The following NEGR1 variants were observed in gnomAD, a reference collection of about 807,000 sequenced individuals.
NEGR1 encodes neuronal growth regulator 1.
A neutral mutation model predicts 40.9 loss-of-function variants in NEGR1; 10 were observed. The observed-to-expected ratio is 0.24, with a 90% CI of 0.15 to 0.42. The LOEUF (loss-of-function observed/expected upper bound fraction) is 0.42. Among genes scored for constraint, NEGR1 ranks in the 10% least tolerant of loss-of-function variants. The probability of loss-of-function intolerance (pLI) is 1.00; values close to 1 mark genes in which losing one functional copy is unlikely to be tolerated. For synonymous variants in NEGR1, 185 were observed against 166.8 expected (o/e 1.11, Z -0.84); for missense variants, 352 against 438.9 (o/e 0.80, Z 1.77).
chr1:71,711,236 G>A (rs1654073100), intron 3 of NEGR1, among the ~76,000 whole-genome samples: 1 of 150,048 alleles, frequency 6.7e-6, no homozygotes, highest in Non-Finnish European at 1.5e-5. Context: ...TCCCAGCTAC[G>A]CGGGAGGCTG....
rs1246524438 is a variant in NEGR1 at position 71,780,521 on chromosome 1, TAGAG to T, written c.410-4228_410-4225del. On this transcript the variant is annotated intron_variant, in intron 2 of 6. Coordinates refer to ENST00000357731, the MANE Select transcript of NEGR1 (RefSeq NM_173808.3). ...TAATTAATTGTTGTGTATTACCAGT[TAGAG>T]AGATCTAAGAACACTGGAAGCTTTC... is the stretch of plus-strand genomic sequence containing the variant. Among the ~76,000 whole-genome samples the T allele has an allele frequency of 7.2e-5, 11 of 152,298 alleles. No individual in the cohort carries two copies. In the East Asian group the frequency reaches 2.1e-3, roughly 29 times the overall value.
At chr1:71,791,826 A>G (rs1359923765) in intron 2 of NEGR1, among the ~76,000 whole-genome samples, 2 of 152,118 alleles carry the variant, frequency 1.3e-5, no homozygotes, top group African/African-American at 4.8e-5. Context: ...GGGCAGGTGG[A>G]GAGGAGAATC....
intron 1 of NEGR1, among the ~76,000 whole-genome samples, chr1:71,985,253 AT>A (rs1646384784): frequency 6.6e-6 from 1 of 152,188 alleles, no homozygotes; most frequent in African/African-American, 2.4e-5. Flanking sequence ...GAAGTGTCTC[AT>A]ATGTTAAAAT....
rs550978760 is a variant in NEGR1, at chr1:72,182,896, C to G, written c.176+99423G>C. 3.9e-5 allele frequency among the ~76,000 whole-genome samples: 6 copies of G among 151,926 alleles called. No individual in the cohort carries two copies. The East Asian group carries it at 1.2e-3, about 29-fold the overall frequency. On this transcript the variant is annotated intron_variant, in intron 1 of 6. Transcript: ENST00000357731. ...GCTTTTTAGCAAGTTCTATTTGTGA[C>G]ACTTCATATTTTCCTTAAAATGAAA...
intron 6 of NEGR1, among the ~76,000 whole-genome samples, chr1:71,522,104 C>T (rs574594515): frequency 2.8e-4 from 43 of 151,926 alleles, no homozygotes; most frequent in Admixed American, 7.2e-4. Flanking sequence ...ACACACATGT[C>T]CTTGGTTCTA....
At chr1:71,864,151 G>A (rs968509352) in intron 2 of NEGR1, among the ~76,000 whole-genome samples, 17 of 152,122 alleles carry the variant, frequency 1.1e-4, no homozygotes, top group African/African-American at 3.9e-4. Context: ...TCAGGGGGCC[G>A]TCTTAGGGAG....
intron 1 of NEGR1, among the ~76,000 whole-genome samples, chr1:71,967,090 G>A (rs915933001): frequency 1.3e-5 from 2 of 152,044 alleles, no homozygotes; most frequent in East Asian, 3.8e-4. Context: ...CTCTGAGTGG[G>A]TTTGAGGCTA....
At chr1:71,503,859 A>T (rs983838390) in intron 6 of NEGR1, among the ~76,000 whole-genome samples, 1 of 151,794 alleles carries the variant, frequency 6.6e-6, no homozygotes, top group African/African-American at 2.4e-5. Context: ...GGCCATAACC[A>T]TCTGGGAAAG....
intron 1 of NEGR1, among the ~76,000 whole-genome samples, chr1:72,279,482 G>T (rs1470431077): frequency 6.6e-6 from 1 of 152,088 alleles, no homozygotes; most frequent in South Asian, 2.1e-4. Context: ...ATTAAAAATA[G>T]AATATATTGG....
chr1:71,530,564 G>A (rs1647319985), intron 6 of NEGR1, among the ~76,000 whole-genome samples: 1 of 151,084 alleles, frequency 6.6e-6, no homozygotes, highest in African/African-American at 2.4e-5. Context: ...AGCTGCACTT[G>A]TTTTTTATCT....
chr1:71,445,309 T>TAAAA (rs749842511), intron 6 of NEGR1, among the ~76,000 whole-genome samples: 4 of 150,274 alleles, frequency 2.7e-5, no homozygotes, highest in African/African-American at 9.8e-5. Context: ...CTTTTTTTTT[T>TAAAA]AAAAAAAAAA....
chr1:71,870,574 G>A lies in NEGR1; in HGVS notation c.409+64505C>T, dbSNP rs190532335. On this transcript the variant is annotated intron_variant, in intron 2 of 6. Coordinates refer to ENST00000357731, the MANE Select transcript of NEGR1 (RefSeq NM_173808.3). The stretch of plus-strand genomic sequence containing the variant: ...ACTACAATTACAGCTTGCAGGTGGG[G>A]AGTGCAGTTAAGTATAGCTGACTCA... 1.5e-4 allele frequency among the ~76,000 whole-genome samples: 23 copies of A among 152,264 alleles called. No homozygotes were observed. In the East Asian group the frequency reaches 4.2e-3, roughly 28 times the overall value.
intron 6 of NEGR1, among the ~76,000 whole-genome samples, chr1:71,523,940 A>G (rs1482354673): frequency 1.3e-5 from 2 of 151,816 alleles, no homozygotes; most frequent in African/African-American, 4.8e-5. Context: ...TAGAGGGCTC[A>G]TATTCTAAGT....
intron 3 of NEGR1, among the ~76,000 whole-genome samples, chr1:71,759,533 G>A (rs1332360329): frequency 6.9e-6 from 1 of 143,912 alleles, no homozygotes; most frequent in Non-Finnish European, 1.5e-5. Flanking sequence ...TCCTGATCTC[G>A]CGATCCACTC....
chr1:71,905,382 A>C (rs1661249247), intron 2 of NEGR1, among the ~76,000 whole-genome samples: 1 of 151,904 alleles, frequency 6.6e-6, no homozygotes, highest in African/African-American at 2.4e-5. Context: ...TTTTTCATCT[A>C]ATCTCATTTT....
At chr1:72,132,058 C>T (rs765330004) in intron 1 of NEGR1, among the ~76,000 whole-genome samples, 4 of 152,076 alleles carry the variant, frequency 2.6e-5, no homozygotes, top group African/African-American at 4.8e-5. Flanking sequence ...TAGATTCCAC[C>T]ACTGTACTCC....
At chr1:71,822,946 G>A (rs1025406272) in intron 2 of NEGR1, among the ~76,000 whole-genome samples, 1 of 152,014 alleles carries the variant, frequency 6.6e-6, no homozygotes. Context: ...CCAGATTGCA[G>A]GCAATAGTCT....
At chr1:72,274,445 A>T in intron 1 of NEGR1, 1 of 547,182 alleles carries the variant, frequency 1.8e-6, no homozygotes, top group Non-Finnish European at 3.3e-6. Flanking sequence ...ACACAACTGT[A>T]TGGATCCAGC....
intron 1 of NEGR1, among the ~76,000 whole-genome samples, chr1:72,185,514 T>C (rs939758445): frequency 2.0e-5 from 3 of 151,850 alleles, no homozygotes; most frequent in Non-Finnish European, 4.4e-5. Context: ...CCAGGAGAGC[T>C]GTAGAATGGC....
Sources: gnomAD v4.1 joint callset for allele counts (sites outside exome capture counted in the v4.1 genomes callset) on GRCh38, gnomAD v4.1.1 for gene constraint, MANE v1.5 for transcripts, NCBI Gene and HGNC (gene_info 2026-07-23, HGNC 2026-07-21) for gene names.